Variants in USH2A observed in about 807,000 individuals in gnomAD.
The protein encoded by USH2A is Usher syndrome 2A (autosomal recessive, mild).
A neutral mutation model predicts 538.9 loss-of-function variants in USH2A; 443 were observed. That is an observed-to-expected ratio of 0.82 (90% confidence interval 0.76 to 0.89). USH2A has a LOEUF of 0.89. Among genes scored for constraint, USH2A ranks in the 40% least tolerant of loss-of-function variants. USH2A has a pLI of 0.00. For synonymous variants in USH2A, 2,413 were observed against 2,273.5 expected (o/e 1.06, Z -1.75); for missense variants, 6,633 against 6,324.8 (o/e 1.05, Z -1.65).
intron 9 of USH2A, among the ~76,000 whole-genome samples, chr1:216,314,162 T>C (rs568280090): frequency 6.6e-6 from 1 of 152,322 alleles, no homozygotes; most frequent in African/African-American, 2.4e-5. Flanking sequence ...ACTTTCACTA[T>C]CTCTATTTGC....
intron 30 of USH2A, among the ~76,000 whole-genome samples, chr1:216,059,417 C>A (rs1017570076): frequency 5.9e-5 from 9 of 152,156 alleles, no homozygotes; most frequent in African/African-American, 2.2e-4. Flanking sequence ...TGTAGACACC[C>A]AAACAATGAG....
chr1:216,401,328 C>T (rs1189516828), intron 3 of USH2A, among the ~76,000 whole-genome samples: 1 of 151,760 alleles, frequency 6.6e-6, no homozygotes, highest in Non-Finnish European at 1.5e-5. Flanking sequence ...AGATAGAATC[C>T]TAAAATGTGT....
intron 4 of USH2A, among the ~76,000 whole-genome samples, chr1:216,351,075 A>T (rs573401557): frequency 2.6e-4 from 39 of 152,292 alleles, no homozygotes; most frequent in African/African-American, 7.9e-4. Context: ...CTTGGAAAAT[A>T]TGTATTGAGT....
chr1:216,328,270 A>G (rs2037776584), intron 4 of USH2A, among the ~76,000 whole-genome samples: 1 of 152,128 alleles, frequency 6.6e-6, no homozygotes, highest in Admixed American at 6.6e-5. Context: ...TTCTAAGAAA[A>G]CCAGGTTCAA....
intron 21 of USH2A, among the ~76,000 whole-genome samples, chr1:216,115,668 A>G (rs1397572599): frequency 6.6e-6 from 1 of 152,114 alleles, no homozygotes; most frequent in Non-Finnish European, 1.5e-5. Context: ...TATTTATTCA[A>G]TTCCAAACAA....
At chr1:215,814,037 T>A in intron 48 of USH2A, 133 bp from the exon 49 acceptor site, 1 of 1,049,196 alleles carries the variant, frequency 9.5e-7, no homozygotes, top group Non-Finnish European at 1.4e-6. Context: ...ATTTCGTTGG[T>A]TTAAAAATGT....
chr1:216,257,886 T>C (rs923521365), intron 11 of USH2A, among the ~76,000 whole-genome samples: 13 of 152,060 alleles, frequency 8.5e-5, no homozygotes, highest in Non-Finnish European at 4.4e-5. Flanking sequence ...TGTAGGTTTT[T>C]CTCTGGAATT....
intron 69 of USH2A, among the ~76,000 whole-genome samples, chr1:215,638,358 G>A (rs543976726): frequency 2.6e-5 from 4 of 152,168 alleles, no homozygotes; most frequent in East Asian, 3.9e-4. Flanking sequence ...AGTGGCTCAC[G>A]CCTGTAATTC....
At chr1:215,753,142 A>G (rs1463267646) in intron 58 of USH2A, among the ~76,000 whole-genome samples, 1 of 152,124 alleles carries the variant, frequency 6.6e-6, no homozygotes, top group African/African-American at 2.4e-5. Context: ...AATGGCAATC[A>G]TTAAAAAGTC....
intron 21 of USH2A, among the ~76,000 whole-genome samples, chr1:216,167,136 G>A (rs1423062042): frequency 6.6e-6 from 1 of 151,952 alleles, no homozygotes; most frequent in African/African-American, 2.4e-5. Context: ...CTTAAATATG[G>A]TTTTCATATT....
At chr1:215,757,734 G>A (rs112501340) in intron 58 of USH2A, among the ~76,000 whole-genome samples, 391 of 152,224 alleles carry the variant, frequency 2.6e-3, no homozygotes, top group African/African-American at 9.3e-3. Context: ...AAAATATAAT[G>A]TTGCACTAAG....
At chr1:216,352,358 C>T (rs540325341) in intron 4 of USH2A, among the ~76,000 whole-genome samples, 1 of 152,122 alleles carries the variant, frequency 6.6e-6, no homozygotes, top group South Asian at 2.1e-4. Context: ...AGAACGTATA[C>T]CAAGGAGGAA....
rs1436041561 is a variant in USH2A, at chr1:215,960,344, ATTTGT to A, written c.7120+4968_7120+4972del. ...TTTATTTGTATTCCCAAACTTACACATTTGTTTTATTTTTTAAAAATTATATATTC... is the reference window on the plus strand; with the variant it reads ...TTTATTTGTATTCCCAAACTTACACATTTATTTTTTAAAAATTATATATTC... On this transcript the variant is annotated intron_variant, in intron 37 of 71. Coordinates refer to ENST00000307340, the MANE Select transcript of USH2A (RefSeq NM_206933.4). Among the ~76,000 whole-genome samples the A allele has an allele frequency of 9.2e-5, 14 of 152,204 alleles. No homozygotes were observed. In the South Asian group the frequency reaches 2.7e-3, roughly 29 times the overall value.
intron 9 of USH2A, among the ~76,000 whole-genome samples, chr1:216,296,377 T>A (rs916351068): frequency 6.6e-6 from 1 of 152,026 alleles, no homozygotes; most frequent in African/African-American, 2.4e-5. Context: ...CCGCTTCTCA[T>A]CTCTCAGAGT....
chr1:216,150,763 A>G (rs1403544521), intron 21 of USH2A, among the ~76,000 whole-genome samples: 2 of 152,040 alleles, frequency 1.3e-5, no homozygotes, highest in Non-Finnish European at 2.9e-5. Context: ...CACAACACAA[A>G]CTACTATTCC....
At chr1:216,416,391 T>C (rs773012207) in intron 3 of USH2A, among the ~76,000 whole-genome samples, 41 of 152,114 alleles carry the variant, frequency 2.7e-4, no homozygotes, top group Non-Finnish European at 5.3e-4. Flanking sequence ...TTTTCTAACA[T>C]TTTGTGACTG....
In USH2A at chr1:216,392,384, C is replaced by T. The variant is rs190497711; in HGVS notation, c.651+26130G>A. Among the ~76,000 whole-genome samples, 750 of 146,574 alleles carry T rather than the reference C, an allele frequency of 5.1e-3. 4 individuals carry two copies. The highest frequency in any genetic ancestry group is 0.018 in the African/African-American group (720 of 39,670). ...GCATGGTGGCAGGCGCCTGTAGTCC[C>T]GGGAGGCTGAGGCAGGAGAATGGCA... On this transcript the variant is annotated intron_variant, in intron 3 of 71. Coordinates refer to ENST00000307340, the MANE Select transcript of USH2A (RefSeq NM_206933.4).
At chr1:215,691,619 A>T (rs1658615316) in intron 61 of USH2A, among the ~76,000 whole-genome samples, 1 of 151,928 alleles carries the variant, frequency 6.6e-6, no homozygotes, top group South Asian at 2.1e-4. Flanking sequence ...TTTCTTAAGC[A>T]CTCATCACCT....
intron 21 of USH2A, 101 bp from the exon 22 acceptor site, chr1:216,097,314 A>T: frequency 2.5e-6 from 4 of 1,592,098 alleles, no homozygotes; most frequent in South Asian, 1.1e-5. Flanking sequence ...TGTAGTGAGT[A>T]CAGTCAGGAA....
Sources: gnomAD v4.1 joint callset for allele counts (sites outside exome capture counted in the v4.1 genomes callset) on GRCh38, gnomAD v4.1.1 for gene constraint, MANE v1.5 for transcripts, NCBI Gene and HGNC (gene_info 2026-07-23, HGNC 2026-07-21) for gene names.